DOCK3: variants seen among roughly 807,000 people sequenced by gnomAD.
DOCK3 encodes the protein dedicator of cytokinesis 3, also known as dedicator of cytokinesis protein 3.
DOCK3 carries 60 observed loss-of-function variants against 265.6 expected under a neutral mutation model. The ratio of observed to expected loss-of-function variants is 0.23; its 90% CI spans 0.18 to 0.28. The LOEUF (loss-of-function observed/expected upper bound fraction) is 0.28. Among genes scored for constraint, DOCK3 ranks in the 10% least tolerant of loss-of-function variants. The pLI is 1.00. For synonymous variants in DOCK3, 881 were observed against 938.0 expected (o/e 0.94, Z 1.11); for missense variants, 1,981 against 2,594.3 (o/e 0.76, Z 5.14).
intron 5 of DOCK3, among the ~76,000 whole-genome samples, chr3:51,006,307 CTTAA>C (rs10547999): frequency 0.75 from 112,404 of 150,112 alleles, 43,223 homozygotes; most frequent in Middle Eastern, 0.88. Flanking sequence ...AGTTATTCAG[CTTAA>C]TTATCTTTTC....
intron 21 of DOCK3, among the ~76,000 whole-genome samples, chr3:51,241,781 A>G (rs1369896754): frequency 6.6e-6 from 1 of 152,188 alleles, no homozygotes; most frequent in African/African-American, 2.4e-5. Flanking sequence ...CAGGTCAGTT[A>G]CATTCTTTTC....
At chr3:51,113,101 T>C (rs2083590490) in intron 9 of DOCK3, among the ~76,000 whole-genome samples, 1 of 152,144 alleles carries the variant, frequency 6.6e-6, no homozygotes. Context: ...TTCCAGCTGC[T>C]GGGGATTCAG....
chr3:50,715,475 T>G (rs2037046756), intron 1 of DOCK3, among the ~76,000 whole-genome samples: 1 of 151,956 alleles, frequency 6.6e-6, no homozygotes, highest in Non-Finnish European at 1.5e-5. Context: ...CACTTGAGCC[T>G]TGGAGGTTGA....
intron 9 of DOCK3, among the ~76,000 whole-genome samples, chr3:51,103,622 A>G (rs1576086616): frequency 6.6e-6 from 1 of 152,214 alleles, no homozygotes; most frequent in Non-Finnish European, 1.5e-5. Context: ...GGTTGACTCT[A>G]TTTAGTGCCT....
chr3:50,713,638 TTATA>T (rs57074630), intron 1 of DOCK3, among the ~76,000 whole-genome samples: 1 of 149,810 alleles, frequency 6.7e-6, no homozygotes, highest in Non-Finnish European at 1.5e-5. Flanking sequence ...GTCTGATAAA[TTATA>T]TATATATATA....
intron 5 of DOCK3, among the ~76,000 whole-genome samples, chr3:51,050,884 G>T (rs1004875766): frequency 6.6e-6 from 1 of 151,986 alleles, no homozygotes; most frequent in Non-Finnish European, 1.5e-5. Flanking sequence ...TAACCATCAC[G>T]TATAGCATTA....
At chr3:51,032,819 G>A (rs112242138) in intron 5 of DOCK3, among the ~76,000 whole-genome samples, 105 of 152,240 alleles carry the variant, frequency 6.9e-4, no homozygotes, top group African/African-American at 2.5e-3. Context: ...GGCTAAGGTG[G>A]GAGGATTGCT....
At chr3:51,225,262 A>G (rs1017384878) in intron 14 of DOCK3, among the ~76,000 whole-genome samples, 9 of 152,214 alleles carry the variant, frequency 5.9e-5, no homozygotes, top group Non-Finnish European at 1.3e-4. Flanking sequence ...AGGGAAAAGA[A>G]GAGGGATTAG....
intron 4 of DOCK3, among the ~76,000 whole-genome samples, chr3:50,894,900 A>G (rs2048820449): frequency 6.6e-6 from 1 of 152,150 alleles, no homozygotes; most frequent in South Asian, 2.1e-4. Flanking sequence ...ACAGTTCTTG[A>G]GCGTTAAAAC....
At chr3:50,851,413 A>G (rs1220783583) in intron 3 of DOCK3, among the ~76,000 whole-genome samples, 1 of 152,170 alleles carries the variant, frequency 6.6e-6, no homozygotes, top group Non-Finnish European at 1.5e-5. Context: ...CGGCTGATCC[A>G]GATGAGCTAG....
chr3:51,153,594 G>A (rs1412702553), intron 10 of DOCK3, among the ~76,000 whole-genome samples: 1 of 152,204 alleles, frequency 6.6e-6, no homozygotes, highest in African/African-American at 2.4e-5. Flanking sequence ...CGTCGATCAT[G>A]CTGGGAGCTG....
intron 32 of DOCK3, among the ~76,000 whole-genome samples, chr3:51,324,222 CAA>C (rs1300237122): frequency 6.9e-6 from 1 of 145,408 alleles, no homozygotes; most frequent in Admixed American, 6.9e-5. Context: ...GCAACTTCAG[CAA>C]AGTCTCAAGA....
intron 1 of DOCK3, among the ~76,000 whole-genome samples, chr3:50,726,407 C>A (rs1004583204): frequency 2.0e-5 from 3 of 152,028 alleles, no homozygotes; most frequent in Non-Finnish European, 4.4e-5. Context: ...ATTGGAGAAT[C>A]CAGAAGTCCA....
In DOCK3 at chr3:51,067,456, T is replaced by TGTGTGTGTGTGTGTGC. The variant is rs1553750450; in HGVS notation, c.464+2861_464+2862insTGTGTGTGTGTGTGCG. Among the ~76,000 whole-genome samples, 274 of 150,322 alleles carry TGTGTGTGTGTGTGTGC rather than the reference T, an allele frequency of 1.8e-3. 2 individuals are homozygous for TGTGTGTGTGTGTGTGC. Among genetic ancestry groups the TGTGTGTGTGTGTGTGC allele is most frequent in the African/African-American group, 5.3e-3 (214 of 40,410 alleles). ...GTGTGTGTGTGTGTGTGTGTGTGTG[T>TGTGTGTGTGTGTGTGC]GCGCGCGCGTTGGAGGGGTATGTAT... On this transcript the variant is annotated intron_variant, in intron 6 of 52. Coordinates refer to ENST00000266037, the MANE Select transcript of DOCK3 (RefSeq NM_004947.5).
intron 12 of DOCK3, among the ~76,000 whole-genome samples, chr3:51,203,983 T>C (rs1249391406): frequency 6.6e-6 from 1 of 151,996 alleles, no homozygotes; most frequent in Admixed American, 6.6e-5. Flanking sequence ...TGAAACTGGA[T>C]CCCTTCCTTA....
At chr3:51,330,345 T>G in intron 33 of DOCK3, 122 bp downstream of exon 33, 13 of 798,554 alleles carry the variant, frequency 1.6e-5, no homozygotes, top group Non-Finnish European at 2.3e-5. Context: ...GGACCTGGGT[T>G]GTTCCTGATG....
At chr3:50,719,268 C>CTTTTTTTTTTT (rs71084106) in intron 1 of DOCK3, among the ~76,000 whole-genome samples, 13 of 138,618 alleles carry the variant, frequency 9.4e-5, no homozygotes, top group East Asian at 2.1e-4. Flanking sequence ...TAGATATTTT[C>CTTTTTTTTTTT]TTTTTTTTTT....
At chr3:51,343,917 C>T (rs1373474403) in intron 38 of DOCK3, among the ~76,000 whole-genome samples, 1 of 152,218 alleles carries the variant, frequency 6.6e-6, no homozygotes, top group East Asian at 1.9e-4. Flanking sequence ...GGCTCTGGTC[C>T]ACAGACAGTC....
intron 32 of DOCK3, among the ~76,000 whole-genome samples, chr3:51,321,813 G>T (rs969267067): frequency 1.3e-5 from 2 of 152,146 alleles, no homozygotes; most frequent in African/African-American, 2.4e-5. Flanking sequence ...AAGCCTCCAA[G>T]AAATATGGGA....
Sources: allele counts gnomAD v4.1 joint callset (sites outside exome capture counted in the v4.1 genomes callset), GRCh38; gene constraint gnomAD v4.1.1; transcripts MANE v1.5; gene names NCBI Gene and HGNC (gene_info 2026-07-23, HGNC 2026-07-21).